The following SP110 variants were observed in gnomAD, a reference collection of about 807,000 sequenced individuals.
SP110 encodes interferon-induced protein 41, 30kD.
Under a neutral mutation model 92.7 loss-of-function variants are expected in SP110, and 62 were observed. The ratio of observed to expected loss-of-function variants is 0.67; its 90% CI spans 0.55 to 0.83. SP110 has a LOEUF of 0.83. Ranked by LOEUF, SP110 falls within the 40% of genes least tolerant of loss-of-function variation. The pLI is 0.00. For missense variants in SP110, 793 were observed against 863.9 expected (o/e 0.92, Z 1.03); for synonymous variants, 273 against 305.3 (o/e 0.89, Z 1.10).
At chr2:230,179,983 C>G (rs1476381225) in intron 12 of SP110, among the ~76,000 whole-genome samples, 1 of 152,162 alleles carries the variant, frequency 6.6e-6, no homozygotes, top group Non-Finnish European at 1.5e-5. Context: ...AGTGCTAAGT[C>G]TGGCTCAGCC....
At chr2:230,174,767 T>C (rs1414133332) in intron 14 of SP110, among the ~76,000 whole-genome samples, 2 of 152,238 alleles carry the variant, frequency 1.3e-5, no homozygotes, top group African/African-American at 4.8e-5. Context: ...TCGGTCTCTT[T>C]GTTGTACACA....
Position 230,186,141 on chromosome 2 carries a change from C to A in SP110, c.1132G>T (p.Ala378Ser). 2 of 1,613,990 alleles carry A rather than the reference C, an allele frequency of 1.2e-6. No homozygotes were observed. Among genetic ancestry groups the A allele is most frequent in the Non-Finnish European group, 1.7e-6 (2 of 1,179,928 alleles). ...TGGATGCCATGCCCAGGTGAGGCTG[C>A]CCCTGGACCAAATAGACTTGTGAAT... ...PSTPRRVTQG[A>S]ASPGHGIQEK... The change falls in exon 11 of 19, where the codon GCA becomes TCA. Residue 378 changes from alanine to serine, a missense_variant and splice_region_variant. Ala to Ser is a moderately conservative substitution (Grantham distance 99, BLOSUM62 1). Coordinates refer to ENST00000258381, the MANE Select transcript of SP110 (RefSeq NM_080424.4).
intron 10 of SP110, among the ~76,000 whole-genome samples, chr2:230,194,995 G>A (rs2042800708): frequency 6.6e-6 from 1 of 152,062 alleles, no homozygotes. Flanking sequence ...GGTCAGGTGA[G>A]GGGCCTGATA....
At chr2:230,176,687 T>G (rs759460257) in intron 14 of SP110, 1 of 1,613,656 alleles carries the variant, frequency 6.2e-7, no homozygotes, top group Admixed American at 1.7e-5. Context: ...TAACTCTCTC[T>G]TGAGATTTAT....
At chr2:230,176,134 G>A (rs898312394) in intron 14 of SP110, among the ~76,000 whole-genome samples, 1 of 151,958 alleles carries the variant, frequency 6.6e-6, no homozygotes, top group Non-Finnish European at 1.5e-5. Context: ...TGTAAAGAAG[G>A]GGTTTTGTCC....
At chr2:230,219,806 C>G in intron 1 of SP110, 68 bp downstream of exon 1, 1 of 547,618 alleles carries the variant, frequency 1.8e-6, no homozygotes, top group African/African-American at 2.1e-5. Context: ...CAGCTGCTGC[C>G]GCGAAGTTAA....
intron 14 of SP110, among the ~76,000 whole-genome samples, chr2:230,176,260 A>G (rs1247591843): frequency 3.3e-5 from 5 of 152,080 alleles, no homozygotes; most frequent in African/African-American, 4.8e-5. Context: ...TATATCACTC[A>G]GGCTGGTCTT....
At chr2:230,212,118 G>C (rs72982424) in intron 5 of SP110, among the ~76,000 whole-genome samples, 12,254 of 152,276 alleles carry the variant, frequency 0.08, 668 homozygotes, top group South Asian at 0.24. Flanking sequence ...ATCAGCTAAG[G>C]GTCACTAGTG....
intron 14 of SP110, 70 bp from the exon 15 acceptor site, chr2:230,173,029 T>A: frequency 9.7e-7 from 1 of 1,026,494 alleles, no homozygotes; most frequent in Non-Finnish European, 1.5e-6. Context: ...TGTGGGGTTC[T>A]AGAACACATC....
At chr2:230,203,847 G>C (rs2148868966) in intron 8 of SP110, among the ~76,000 whole-genome samples, 1 of 152,284 alleles carries the variant, frequency 6.6e-6, no homozygotes, top group Non-Finnish European at 1.5e-5. Flanking sequence ...GGGCAGGGAG[G>C]AATGGGGAGT....
chr2:230,220,365 T>A (rs1244834416), upstream of SP110, among the ~76,000 whole-genome samples: 2 of 152,194 alleles, frequency 1.3e-5, no homozygotes, highest in Non-Finnish European at 2.9e-5. Context: ...CATAACTGAA[T>A]GAATTCACTG....
intron 14 of SP110, among the ~76,000 whole-genome samples, chr2:230,174,930 TGA>T (rs1560525750): frequency 3.3e-5 from 5 of 152,210 alleles, no homozygotes; most frequent in Non-Finnish European, 1.5e-5. Flanking sequence ...AAGGTGGGAC[TGA>T]GAGGCTGGGT....
upstream of SP110, chr2:230,220,126 G>C (rs2045679919): frequency 1.0e-6 from 1 of 976,336 alleles, no homozygotes; most frequent in African/African-American, 1.8e-5. Flanking sequence ...AGGCTCCCAG[G>C]ACGTCTTGGC....
At chr2:230,223,290 C>T (rs2045974346), upstream of SP110, among the ~76,000 whole-genome samples, 1 of 152,196 alleles carries the variant, frequency 6.6e-6, no homozygotes, top group Admixed American at 6.5e-5. Context: ...CTGCCTCAGC[C>T]TCCCGAAGTG....
intron 8 of SP110, among the ~76,000 whole-genome samples, chr2:230,204,086 G>A (rs2043488627): frequency 6.6e-6 from 1 of 152,162 alleles, no homozygotes; most frequent in African/African-American, 2.4e-5. Flanking sequence ...AAAATAAAAC[G>A]ATTCTTTTAA....
chr2:230,220,504 A>G (rs897326558), upstream of SP110, among the ~76,000 whole-genome samples: 1 of 152,246 alleles, frequency 6.6e-6, no homozygotes, highest in African/African-American at 2.4e-5. Flanking sequence ...GAACCTGCAC[A>G]TGAACTGGAA....
At chr2:230,182,946 G>A (rs10755050) in intron 12 of SP110, among the ~76,000 whole-genome samples, 120,003 of 151,680 alleles carry the variant, frequency 0.79, 47,565 homozygotes, top group Admixed American at 0.84. Flanking sequence ...CTGCCAAGCA[G>A]CATGCTTGTA....
intron 3 of SP110, 45 bp from the exon 4 acceptor site, chr2:230,213,072 A>C (rs1340510932): frequency 1.2e-6 from 2 of 1,601,736 alleles, no homozygotes; most frequent in African/African-American, 2.7e-5. Flanking sequence ...GGAGACTCAG[A>C]ATTACTTGGG....
Position 230,172,948 on chromosome 2 carries a change from C to T in SP110, c.1602G>A (p.Ser534=), listed in dbSNP as rs756439485. 1.9e-5 allele frequency: 31 copies of T among 1,613,132 alleles called. 1 individual carries two copies. The South Asian group carries it at 2.6e-4, about 14-fold the overall frequency. ...CTTGACAGCACACCTCGCATTCATC[C>T]GAGTTTTTCCGCTGCAAGGGCAGAT... The part of the protein sequence containing the change: ...TLGELLKRKN[S]DECEVCCQGG... Residue 534 remains serine, a synonymous_variant, in exon 15 of 19, where the codon TCG becomes TCA. Coordinates refer to ENST00000258381, the MANE Select transcript of SP110 (RefSeq NM_080424.4).
Sources: allele counts gnomAD v4.1 joint callset (sites outside exome capture counted in the v4.1 genomes callset), GRCh38; gene constraint gnomAD v4.1.1; transcripts MANE v1.5; gene names NCBI Gene and HGNC (gene_info 2026-07-23, HGNC 2026-07-21).